The following CLASP1 variants were observed in gnomAD, a reference collection of about 807,000 sequenced individuals.
The protein encoded by CLASP1 is CLIP-associating protein 1.
In CLASP1, 38 loss-of-function variants were observed where a neutral mutation model predicts 192.3. That is an observed-to-expected ratio of 0.20 (90% CI 0.15 to 0.26). CLASP1 has a LOEUF of 0.26. Among genes scored for constraint, CLASP1 ranks in the 10% least tolerant of loss-of-function variants. The probability of loss-of-function intolerance (pLI) is 1.00; values close to 1 mark genes in which losing one functional copy is unlikely to be tolerated. For missense variants in CLASP1, 1,433 were observed against 1,932.5 expected (o/e 0.74, Z 4.85); for synonymous variants, 691 against 712.8 (o/e 0.97, Z 0.49).
intron 2 of CLASP1, among the ~76,000 whole-genome samples, chr2:121,538,356 G>GC (rs2095145525): frequency 6.6e-6 from 1 of 151,950 alleles, no homozygotes; most frequent in Non-Finnish European, 1.5e-5. Flanking sequence ...ATGTTGCAGT[G>GC]ACCCAAGATT....
chr2:121,481,837 G>A (rs1160241480), intron 8 of CLASP1, among the ~76,000 whole-genome samples: 3 of 152,210 alleles, frequency 2.0e-5, no homozygotes, highest in African/African-American at 7.2e-5. Context: ...GCTTGTGTCT[G>A]AAGTACTTTG....
intron 14 of CLASP1, among the ~76,000 whole-genome samples, chr2:121,457,352 C>G (rs529980378): frequency 7.2e-5 from 11 of 151,906 alleles, no homozygotes; most frequent in Non-Finnish European, 1.0e-4. Context: ...TAGGGCAGAC[C>G]GATGACAAAG....
At chr2:121,372,718 C>T (rs562986894) in intron 34 of CLASP1, among the ~76,000 whole-genome samples, 1 of 152,298 alleles carries the variant, frequency 6.6e-6, no homozygotes, top group East Asian at 1.9e-4. Flanking sequence ...GTTACAGTAG[C>T]CTGTCTAAAA....
Position 121,470,756 on chromosome 2 carries a change from A to G in CLASP1, c.713-796T>C, listed in dbSNP as rs958223250. The G allele has an allele frequency of 1.1e-4, 42 of 387,506 alleles. No individual in the cohort carries two copies. In the Middle Eastern group the frequency reaches 1.4e-3, roughly 13 times the overall value. 24.0% of individuals were successfully genotyped at this position (387,506 alleles called of 1,614,324 possible). ...GTTCTTGATGTATAGTGCCAAAATTATCAGAGAGGTCATATAAATGTACAT... is the reference window on the plus strand; with the variant it reads ...GTTCTTGATGTATAGTGCCAAAATTGTCAGAGAGGTCATATAAATGTACAT... On this transcript the variant is annotated intron_variant, in intron 8 of 39. Transcript: ENST00000263710.
chr2:121,428,100 T>C (rs1377465411), intron 20 of CLASP1, among the ~76,000 whole-genome samples: 1 of 152,208 alleles, frequency 6.6e-6, no homozygotes, highest in Non-Finnish European at 1.5e-5. Flanking sequence ...TAAGGAATTT[T>C]AAAAGGGGAG....
chr2:121,468,864 C>A (rs187410582), intron 9 of CLASP1, among the ~76,000 whole-genome samples: 1 of 152,182 alleles, frequency 6.6e-6, no homozygotes, highest in African/African-American at 2.4e-5. Context: ...TCAGCCATCT[C>A]AGTCTCAGCC....
chr2:121,589,346 T>C (rs938555192), intron 2 of CLASP1, among the ~76,000 whole-genome samples: 1 of 152,180 alleles, frequency 6.6e-6, no homozygotes, highest in African/African-American at 2.4e-5. Flanking sequence ...CATACCACTA[T>C]AGGCCGGGTG....
intron 30 of CLASP1, among the ~76,000 whole-genome samples, chr2:121,393,471 T>A (rs1460637347): frequency 1.3e-5 from 2 of 152,256 alleles, no homozygotes; most frequent in South Asian, 4.1e-4. Flanking sequence ...CTAGTTTTCA[T>A]ACAGTTTAAA....
intron 8 of CLASP1, among the ~76,000 whole-genome samples, chr2:121,485,534 TTGTG>T (rs139253037): frequency 1.5e-3 from 230 of 152,126 alleles, no homozygotes; most frequent in African/African-American, 5.3e-3. Context: ...GGCCTTCCAA[TTGTG>T]TGTGTGTGTT....
chr2:121,581,798 T>C (rs1221686793), intron 2 of CLASP1, among the ~76,000 whole-genome samples: 1 of 152,188 alleles, frequency 6.6e-6, no homozygotes, highest in African/African-American at 2.4e-5. Flanking sequence ...GTTAGGAAGA[T>C]TGCTTGAGCC....
chr2:121,420,826 GAAC>G (rs569161478), intron 22 of CLASP1, among the ~76,000 whole-genome samples: 4 of 152,140 alleles, frequency 2.6e-5, no homozygotes, highest in African/African-American at 7.2e-5. Context: ...ATACATGCTA[GAAC>G]AACGGGGAAA....
chr2:121,418,720 C>T lies in CLASP1; in HGVS notation c.2222G>A (p.Ser741Asn), dbSNP rs1480142114. 1.9e-6 allele frequency: 3 copies of T among 1,612,408 alleles called. No individual in the cohort carries two copies. In the African/African-American group the frequency reaches 4.0e-5, roughly 22 times the overall value. ...ACTCATGCTGGGTCGAGGGATACGG[C>T]TGCTCCGTGCTAGCGTGCAGCATGA... The change falls in exon 23 of 40, where the codon AGC becomes AAC. Residue 741 changes from serine to asparagine, a missense_variant. Around this residue, in one of 8 missense-constraint regions of CLASP1, gnomAD observed 445 missense variants for 535.5 expected, o/e 0.83. Transcript: ENST00000263710.
chr2:121,365,315 C>T (rs768376556), intron 35 of CLASP1, 31 bp from the exon 37 acceptor site: 13 of 1,589,516 alleles, frequency 8.2e-6, no homozygotes, highest in Admixed American at 5.2e-5. Flanking sequence ...TACGTCACCT[C>T]GTGAGGAAAT....
In CLASP1 at chr2:121,453,590, T is replaced by C. The variant is rs112082269; in HGVS notation, c.1386-1741A>G. 9.8e-5 allele frequency among the ~76,000 whole-genome samples: 15 copies of C among 152,304 alleles called. 1 individual carries two copies. The highest frequency in any genetic ancestry group is 3.4e-4 in the African/African-American group (14 of 41,584). The stretch of plus-strand genomic sequence containing the variant: ...CTGCCCCAATCCCCAATCTAGACCA[T>C]GTTTATTCTACTTTCACCCTTTTGC... On this transcript the variant is annotated intron_variant, in intron 14 of 39. Coordinates refer to ENST00000263710, the Ensembl canonical transcript of CLASP1.
intron 2 of CLASP1, among the ~76,000 whole-genome samples, chr2:121,544,691 C>CTGTT (rs2095296132): frequency 6.6e-6 from 1 of 151,932 alleles, no homozygotes; most frequent in Non-Finnish European, 1.5e-5. Flanking sequence ...TTACTAAACA[C>CTGTT]ACACGTACCA....
chr2:121,564,732 A>G (rs1027344659), intron 2 of CLASP1, among the ~76,000 whole-genome samples: 3 of 152,232 alleles, frequency 2.0e-5, no homozygotes, highest in East Asian at 1.9e-4. Flanking sequence ...GAAGTGAGGC[A>G]TTGGTAGAAC....
At chr2:121,529,854 T>C (rs1421189754) in intron 3 of CLASP1, among the ~76,000 whole-genome samples, 11 of 152,192 alleles carry the variant, frequency 7.2e-5, no homozygotes, top group Non-Finnish European at 4.4e-5. Flanking sequence ...GGGTAAAATA[T>C]GACTTGGTTG....
At chr2:121,340,271 T>G (rs941469772) in exon 40 of CLASP1, 1 of 152,352 alleles carries the variant, frequency 6.6e-6, no homozygotes, top group Non-Finnish European at 1.5e-5. Flanking sequence ...GCCTCCAGTC[T>G]GGATATGACA....
intron 32 of CLASP1, 43 bp from the exon 34 acceptor site, chr2:121,382,367 A>G: frequency 7.9e-7 from 1 of 1,266,466 alleles, no homozygotes; most frequent in South Asian, 1.5e-5. Context: ...GAAATACAAA[A>G]AGCAAAGGGG....
Sources: allele counts gnomAD v4.1 joint callset (sites outside exome capture counted in the v4.1 genomes callset), GRCh38; gene constraint gnomAD v4.1.1; regional missense constraint gnomAD v4.1.1; transcripts MANE v1.5; gene names NCBI Gene and HGNC (gene_info 2026-07-23, HGNC 2026-07-21).